The following DUS2 variants were observed in gnomAD, a reference collection of about 807,000 sequenced individuals.
DUS2 encodes dihydrouridine synthase 2, also known as tRNA-dihydrouridine(20) synthase [NAD(P)+]-like.
Under a neutral mutation model 71.3 loss-of-function variants are expected in DUS2, and 52 were observed. The observed-to-expected ratio is 0.73, with a 90% CI of 0.58 to 0.92. DUS2 has a LOEUF of 0.92. DUS2 is among the 40% of genes least tolerant of loss of function. DUS2 has a pLI of 0.00. For synonymous variants in DUS2, 204 were observed against 227.8 expected, an observed-to-expected ratio of 0.90 and a Z score of 0.94; for missense variants, 558 against 622.6, an observed-to-expected ratio of 0.90 and a Z score of 1.10.
chr16:68,066,556 T>C lies in DUS2; in HGVS notation c.484-10T>C. 6.2e-7 allele frequency: 1 copy of C among 1,614,132 alleles called. No homozygotes were observed. Among genetic ancestry groups the C allele is most frequent in the Non-Finnish European group, 8.5e-7 (1 of 1,179,950 alleles). ...CTTCAGTAACCATCCTGTGTGGTCC[T>C]CCTCCTCAGCTAGAAGATACCCTGA... On this transcript the variant is annotated splice_polypyrimidine_tract_variant and intron_variant, in intron 9 of 16. Transcript: ENST00000565263.
Position 68,030,324 on chromosome 16 carries a change from T to C in DUS2, c.-19+4830T>C, listed in dbSNP as rs1388644330. 5.9e-5 allele frequency among the ~76,000 whole-genome samples: 9 copies of C among 152,042 alleles called. No individual in the cohort carries two copies. The East Asian group carries it at 1.6e-3, about 26-fold the overall frequency. ...AAACCCCACCGGAGGCCAGGAGTGG[T>C]GACTCACATCTGCAATCCCAGCACT... On this transcript the variant is annotated intron_variant, in intron 2 of 16. Coordinates refer to ENST00000565263, the MANE Select transcript of DUS2 (RefSeq NM_017803.5).
intron 8 of DUS2, 53 bp downstream of exon 8, chr16:68,061,166 A>T: frequency 6.4e-7 from 1 of 1,569,130 alleles, no homozygotes; most frequent in Non-Finnish European, 8.8e-7. Context: ...TCCAAACTAG[A>T]ATTGTCTAGA....
At chr16:68,051,634 C>G (rs1188384365) in intron 4 of DUS2, among the ~76,000 whole-genome samples, 1 of 152,008 alleles carries the variant, frequency 6.6e-6, no homozygotes. Flanking sequence ...CAAGTGATCC[C>G]CCTGCCTCAG....
chr16:68,058,216 G>T (rs2033888826), intron 7 of DUS2, among the ~76,000 whole-genome samples: 1 of 149,654 alleles, frequency 6.7e-6, no homozygotes. Context: ...TGGACTTTAG[G>T]TATCTTTGGG....
intron 2 of DUS2, among the ~76,000 whole-genome samples, chr16:68,036,051 C>T (rs900980310): frequency 6.7e-6 from 1 of 150,374 alleles, no homozygotes; most frequent in African/African-American, 2.5e-5. Context: ...GGCTAGAGTG[C>T]AATGGCGCGA....
At chr16:68,047,049 C>CTTTT (rs1305624703) in intron 3 of DUS2, among the ~76,000 whole-genome samples, 30 of 72,200 alleles carry the variant, frequency 4.2e-4, no homozygotes, top group African/African-American at 5.1e-4. Context: ...CATGCCCGGC[C>CTTTT]TTTTTTTTTT....
intron 10 of DUS2, 53 bp downstream of exon 10, chr16:68,066,689 G>A (rs2034009810): frequency 1.9e-6 from 3 of 1,565,632 alleles, no homozygotes; most frequent in Non-Finnish European, 2.6e-6. Context: ...CCATCTTAGT[G>A]ATCCTTCCTT....
chr16:68,045,624 A>AAC (rs2033689406), intron 3 of DUS2, among the ~76,000 whole-genome samples: 2 of 151,772 alleles, frequency 1.3e-5, no homozygotes, highest in African/African-American at 4.8e-5. Context: ...AAAAAAAAAA[A>AAC]ACATCATCTG....
chr16:68,046,665 T>G (rs578083703), intron 3 of DUS2, among the ~76,000 whole-genome samples: 1 of 152,358 alleles, frequency 6.6e-6, no homozygotes, highest in East Asian at 1.9e-4. Flanking sequence ...TTATCTAATT[T>G]TTTGGCATAC....
chr16:68,049,382 C>T (rs1036022041), intron 3 of DUS2, 123 bp from the exon 4 acceptor site: 24 of 924,382 alleles, frequency 2.6e-5, no homozygotes, highest in African/African-American at 4.9e-5. Context: ...TCCCAAAAGC[C>T]GTGGTTTGTT....
chr16:68,026,660 C>T (rs547425421), intron 2 of DUS2, among the ~76,000 whole-genome samples: 56 of 151,974 alleles, frequency 3.7e-4, no homozygotes, highest in Middle Eastern at 3.4e-3. Context: ...GGGCAGATCA[C>T]GAGGTCAGGA....
intron 12 of DUS2, among the ~76,000 whole-genome samples, chr16:68,072,902 T>C (rs1019382092): frequency 5.3e-5 from 8 of 152,208 alleles, no homozygotes; most frequent in Non-Finnish European, 1.0e-4. Context: ...ATAAATGTAG[T>C]CATGAGTAAC....
chr16:68,028,160 G>A (rs769056449), intron 2 of DUS2, among the ~76,000 whole-genome samples: 3 of 152,138 alleles, frequency 2.0e-5, no homozygotes, highest in Non-Finnish European at 4.4e-5. Flanking sequence ...GAAGTGATAA[G>A]CCTGGAGGCA....
chr16:68,031,102 C>T (rs1244061493), intron 2 of DUS2, among the ~76,000 whole-genome samples: 1 of 152,092 alleles, frequency 6.6e-6, no homozygotes, highest in Non-Finnish European at 1.5e-5. Flanking sequence ...AATACTTGCC[C>T]AGTAATGGCA....
intron 7 of DUS2, among the ~76,000 whole-genome samples, chr16:68,059,353 C>G (rs950048975): frequency 6.6e-6 from 1 of 151,914 alleles, no homozygotes; most frequent in Admixed American, 6.6e-5. Context: ...TTAATAGAAA[C>G]GAAGGAAGGA....
Position 68,066,588 on chromosome 16 carries a change from T to C in DUS2, c.506T>C (p.Val169Ala). Residue 169 changes from valine (V) to alanine (A), a missense_variant, in exon 10 of 17, where the codon GTG becomes GCG. Val to Ala is a moderately conservative substitution (Grantham distance 64). Transcript: ENST00000565263. ...CAGCTAGAAGATACCCTGAGCCTTG[T>C]GAAGCGGATAGAGAGGACTGGCATT... Reference protein sequence around the residue: ...LPSLEDTLSLVKRIERTGIAA... With the variant: ...LPSLEDTLSLAKRIERTGIAA... The C allele has an allele frequency of 1.2e-6, 2 of 1,614,238 alleles. No homozygotes were observed. The highest frequency in any genetic ancestry group is 1.6e-4 in the Middle Eastern group (1 of 6,062).
intron 4 of DUS2, among the ~76,000 whole-genome samples, chr16:68,051,485 G>A (rs1376353280): frequency 6.6e-6 from 1 of 152,076 alleles, no homozygotes; most frequent in Non-Finnish European, 1.5e-5. Flanking sequence ...CAAACTCCTG[G>A]GCTCAAATGA....
chr16:68,027,239 GTT>G (rs1251832254), intron 2 of DUS2, among the ~76,000 whole-genome samples: 19 of 140,024 alleles, frequency 1.4e-4, no homozygotes, highest in Admixed American at 2.9e-4. Context: ...TTAACTTCTT[GTT>G]TTTTTTTTTT....
At chr16:68,040,437 C>T (rs1444980443) in intron 3 of DUS2, among the ~76,000 whole-genome samples, 1 of 152,154 alleles carries the variant, frequency 6.6e-6, no homozygotes, top group African/African-American at 2.4e-5. Flanking sequence ...TATGTGATTA[C>T]TTCAGTATGT....
Sources: gnomAD v4.1 joint callset for allele counts (sites outside exome capture counted in the v4.1 genomes callset) on GRCh38, gnomAD v4.1.1 for gene constraint, MANE v1.5 for transcripts, NCBI Gene and HGNC (gene_info 2026-07-23, HGNC 2026-07-21) for gene names.